BMPR1B: variants seen among roughly 807,000 people sequenced by gnomAD.
BMPR1B encodes bone morphogenetic protein receptor type 1B, also known as bone morphogenetic protein receptor type-1B.
BMPR1B carries 12 observed loss-of-function variants against 59.1 expected under a neutral mutation model. The observed-to-expected ratio is 0.20, with a 90% confidence interval of 0.13 to 0.33. The LOEUF (loss-of-function observed/expected upper bound fraction) is 0.33, where lower values mean the gene tolerates loss of function less well. Ranked by LOEUF, BMPR1B falls within the 10% of genes least tolerant of loss-of-function variation. The probability of loss-of-function intolerance (pLI) is 1.00; values close to 1 mark genes in which losing one functional copy is unlikely to be tolerated. For missense variants in BMPR1B, 550 were observed against 610.9 expected (o/e 0.90, Z 1.05); for synonymous variants, 237 against 207.3 (o/e 1.14, Z -1.23).
Position 95,154,825 on chromosome 4 carries a change from AC to A in BMPR1B, c.*154del. ...TTCAGACCTCACCTCTCAGGGAGCG[AC>A]CTGGGCAAAGACAGAGAAGCTCCCA... On this transcript the variant is annotated 3_prime_UTR_variant, in exon 13 of 13. Transcript: ENST00000515059. 9.4e-7 allele frequency: 1 copy of A among 1,068,972 alleles called. No individual in the cohort carries two copies. Among genetic ancestry groups the A allele is most frequent in the Non-Finnish European group, 1.4e-6 (1 of 724,764 alleles). 66.2% of individuals were successfully genotyped at this position (1,068,972 alleles called of 1,614,324 possible). A position where few individuals can be genotyped will look rare whatever the true frequency, so the allele number is the denominator to read the frequency against.
At chr4:95,143,732 A>G (rs1164284992) in intron 10 of BMPR1B, among the ~76,000 whole-genome samples, 1 of 152,186 alleles carries the variant, frequency 6.6e-6, no homozygotes, top group Non-Finnish European at 1.5e-5. Context: ...GCATTTTGAG[A>G]TCCAGATGAA....
chr4:95,060,220 A>G (rs1024761370), intron 3 of BMPR1B, among the ~76,000 whole-genome samples: 1 of 152,214 alleles, frequency 6.6e-6, no homozygotes, highest in East Asian at 1.9e-4. Flanking sequence ...TTAATAAGCT[A>G]TCCCAAGAGA....
At chr4:95,071,650 G>GTATATATATATATATATATATATATATA (rs1459082558) in intron 3 of BMPR1B, among the ~76,000 whole-genome samples, 2 of 78,448 alleles carry the variant, frequency 2.5e-5, no homozygotes, top group African/African-American at 4.2e-5. Context: ...GTGTGTGTGT[G>GTATATATATATATATATATATATATATA]TGTATATATA....
At chr4:94,797,556 T>C (rs552351819) in intron 1 of BMPR1B, among the ~76,000 whole-genome samples, 3 of 152,334 alleles carry the variant, frequency 2.0e-5, no homozygotes, top group Admixed American at 2.0e-4. Flanking sequence ...GAGGCAAATA[T>C]TGTCAACAAC....
chr4:95,121,994 A>G (rs940440336), intron 6 of BMPR1B, among the ~76,000 whole-genome samples: 2 of 152,210 alleles, frequency 1.3e-5, no homozygotes, highest in Non-Finnish European at 2.9e-5. Context: ...AATGTATGAC[A>G]GAAGATTCAC....
At chr4:95,005,104 G>C (rs1172990894) in intron 3 of BMPR1B, among the ~76,000 whole-genome samples, 1 of 152,004 alleles carries the variant, frequency 6.6e-6, no homozygotes, top group African/African-American at 2.4e-5. Flanking sequence ...TCTTAACTTG[G>C]GGAGCTGGTT....
At chr4:94,936,888 A>G (rs1273725860) in intron 2 of BMPR1B, among the ~76,000 whole-genome samples, 1 of 151,940 alleles carries the variant, frequency 6.6e-6, no homozygotes, top group Non-Finnish European at 1.5e-5. Flanking sequence ...AGACTCTAAA[A>G]TAGTTTGTTA....
At chr4:95,102,058 A>G (rs1445299357) in intron 3 of BMPR1B, among the ~76,000 whole-genome samples, 2 of 152,208 alleles carry the variant, frequency 1.3e-5, no homozygotes, top group African/African-American at 4.8e-5. Flanking sequence ...TTTAATGGCT[A>G]TATAGGAATC....
intron 1 of BMPR1B, among the ~76,000 whole-genome samples, chr4:94,783,315 CTT>C (rs745699958): frequency 2.6e-5 from 4 of 152,138 alleles, no homozygotes; most frequent in African/African-American, 4.8e-5. Flanking sequence ...ACTCTTAACT[CTT>C]TTCCTAGTTC....
intron 3 of BMPR1B, among the ~76,000 whole-genome samples, chr4:95,031,462 T>A (rs1560606501): frequency 1.3e-5 from 2 of 152,088 alleles, no homozygotes; most frequent in Non-Finnish European, 2.9e-5. Context: ...GATATATTTT[T>A]TTTGAGACAG....
intron 1 of BMPR1B, among the ~76,000 whole-genome samples, chr4:94,858,047 G>A (rs553273121): frequency 2.2e-3 from 340 of 152,104 alleles, no homozygotes; most frequent in African/African-American, 7.6e-3. Flanking sequence ...CAGGGTTCAC[G>A]CCATTCTCCT....
intron 2 of BMPR1B, among the ~76,000 whole-genome samples, chr4:94,950,770 A>T (rs531267983): frequency 2.0e-5 from 3 of 152,114 alleles, no homozygotes; most frequent in African/African-American, 7.2e-5. Flanking sequence ...TCTTGGCTAT[A>T]TGGCCTTTTT....
intron 1 of BMPR1B, among the ~76,000 whole-genome samples, chr4:94,842,920 C>T (rs71617616): frequency 0.61 from 92,863 of 151,456 alleles, 29,429 homozygotes; most frequent in African/African-American, 0.78. Context: ...TGTGTGTATG[C>T]ATGTATGTAT....
At chr4:95,065,823 T>G (rs147535168) in intron 3 of BMPR1B, among the ~76,000 whole-genome samples, 3 of 152,302 alleles carry the variant, frequency 2.0e-5, no homozygotes, top group African/African-American at 7.2e-5. Flanking sequence ...GTTGTTTGCT[T>G]TCTTCAATAT....
intron 2 of BMPR1B, among the ~76,000 whole-genome samples, chr4:94,936,602 G>A (rs918887859): frequency 4.6e-5 from 7 of 152,104 alleles, no homozygotes; most frequent in Non-Finnish European, 7.4e-5. Context: ...TAGATAAAGA[G>A]TTTCCAGTGT....
At chr4:94,929,629 C>T (rs1729017479) in intron 2 of BMPR1B, among the ~76,000 whole-genome samples, 1 of 152,026 alleles carries the variant, frequency 6.6e-6, no homozygotes, top group Non-Finnish European at 1.5e-5. Flanking sequence ...TCTTGGTGCT[C>T]TCAGATCAAT....
chr4:94,839,334 T>A (rs1370513096), intron 1 of BMPR1B, among the ~76,000 whole-genome samples: 4 of 144,564 alleles, frequency 2.8e-5, no homozygotes, highest in African/African-American at 1.0e-4. Flanking sequence ...TCTGTCTCGT[T>A]GATCTGTCTA....
intron 1 of BMPR1B, among the ~76,000 whole-genome samples, chr4:94,839,935 A>G (rs1560509322): frequency 6.6e-6 from 1 of 151,298 alleles, no homozygotes; most frequent in Admixed American, 6.6e-5. Context: ...TTCCTTCAGG[A>G]GCTCTTTTAG....
chr4:94,760,329 C>T (rs1440356798), intron 1 of BMPR1B, among the ~76,000 whole-genome samples: 3 of 152,128 alleles, frequency 2.0e-5, no homozygotes, highest in Non-Finnish European at 4.4e-5. Context: ...CTAAATGTTC[C>T]AGTCGTTAAA....
Sources: allele counts gnomAD v4.1 joint callset (sites outside exome capture counted in the v4.1 genomes callset), GRCh38; gene constraint gnomAD v4.1.1; transcripts MANE v1.5; gene names NCBI Gene and HGNC (gene_info 2026-07-23, HGNC 2026-07-21).